LINGO2: variants seen among roughly 807,000 people sequenced by gnomAD.
LINGO2 encodes leucine rich repeat and Ig domain containing 2.
A neutral mutation model predicts 30.6 loss-of-function variants in LINGO2; 14 were observed. The ratio of observed to expected loss-of-function variants is 0.46; its 90% CI spans 0.30 to 0.72. The LOEUF (loss-of-function observed/expected upper bound fraction) is 0.72. Among genes scored for constraint, LINGO2 ranks in the 30% least tolerant of loss-of-function variants. LINGO2 has a pLI of 0.07. For missense variants in LINGO2, 729 were observed against 751.7 expected, an observed-to-expected ratio of 0.97 and a Z score of 0.35; for synonymous variants, 317 against 288.5, an observed-to-expected ratio of 1.10 and a Z score of -1.00.
At chr9:28,990,499 GCAGTGGTTCTCC>G in the LINGO2 span, among the ~76,000 whole-genome samples, 1 of 152,206 alleles carries the variant, frequency 6.6e-6, no homozygotes, top group African/African-American at 2.4e-5. Context: ...TTTGAAGAGA[GCAGTGGTTCTCC>G]CAGCATGCAG....
the LINGO2 span, among the ~76,000 whole-genome samples, chr9:29,128,909 GTTCATGTGAA>G: frequency 7.8e-4 from 119 of 152,198 alleles, 1 homozygote; most frequent in East Asian, 0.021. Flanking sequence ...CAATTTTCAA[GTTCATGTGAA>G]TTAAGTATAA....
chr9:28,418,765 T>C (rs1412238), intron 2 of LINGO2, among the ~76,000 whole-genome samples: 5,597 of 152,146 alleles, frequency 0.037, 348 homozygotes, highest in African/African-American at 0.12. Flanking sequence ...GGGAACTTTC[T>C]TGATTACAAG....
downstream of LINGO2, chr9:27,944,565 A>T (rs1269450628): frequency 3.3e-5 from 5 of 152,186 alleles, no homozygotes; most frequent in African/African-American, 4.8e-5. Context: ...AACTTTCTAT[A>T]CCCAAAGGCA....
intron 4 of LINGO2, among the ~76,000 whole-genome samples, chr9:28,105,714 G>C (rs2133335274): frequency 6.6e-6 from 1 of 151,596 alleles, no homozygotes; most frequent in African/African-American, 2.4e-5. Flanking sequence ...AGAGGAACCT[G>C]TCTCACTCTC....
chr9:28,696,248 T>G, the LINGO2 span, among the ~76,000 whole-genome samples: 1 of 152,000 alleles, frequency 6.6e-6, no homozygotes, highest in African/African-American at 2.4e-5. Flanking sequence ...TGCTGACTAC[T>G]TATTTCCCAT....
chr9:29,205,595 T>C, the LINGO2 span, among the ~76,000 whole-genome samples: 1 of 152,192 alleles, frequency 6.6e-6, no homozygotes, highest in Non-Finnish European at 1.5e-5. Flanking sequence ...CTCTACAGTT[T>C]CCTGAAAGAG....
chr9:28,596,420 T>A (rs564397170), intron 1 of LINGO2, among the ~76,000 whole-genome samples: 61 of 152,304 alleles, frequency 4.0e-4, no homozygotes, highest in Middle Eastern at 3.4e-3. Context: ...CTTAGGCTAG[T>A]GTTTCAGTTG....
At chr9:28,666,806 C>T (rs1036455741) in intron 1 of LINGO2, among the ~76,000 whole-genome samples, 1 of 152,102 alleles carries the variant, frequency 6.6e-6, no homozygotes, top group Non-Finnish European at 1.5e-5. Flanking sequence ...TTTGGCCTTA[C>T]TTTTGTCAGT....
chr9:29,189,497 G>T, the LINGO2 span, among the ~76,000 whole-genome samples: 1 of 151,802 alleles, frequency 6.6e-6, no homozygotes, highest in Non-Finnish European at 1.5e-5. Flanking sequence ...CAGACGGGGC[G>T]GTGGGGCAGA....
the LINGO2 span, among the ~76,000 whole-genome samples, chr9:28,811,286 C>T: frequency 1.3e-5 from 2 of 152,084 alleles, no homozygotes; most frequent in African/African-American, 4.8e-5. Flanking sequence ...TGACCACCAC[C>T]CTAGTCCCAG....
chr9:29,003,277 T>C, the LINGO2 span, among the ~76,000 whole-genome samples: 150 of 152,116 alleles, frequency 9.9e-4, no homozygotes, highest in African/African-American at 3.2e-3. Context: ...AGGAAACAAA[T>C]ACCGGTGTGG....
chr9:28,795,107 T>C, the LINGO2 span, among the ~76,000 whole-genome samples: 1 of 152,118 alleles, frequency 6.6e-6, no homozygotes, highest in Admixed American at 6.5e-5. Flanking sequence ...GTGCTGGGAT[T>C]ACAGGTGTGA....
At chr9:28,773,402 T>C in the LINGO2 span, among the ~76,000 whole-genome samples, 23 of 151,202 alleles carry the variant, frequency 1.5e-4, no homozygotes, top group African/African-American at 5.1e-4. Flanking sequence ...TACAAAGTTG[T>C]AGTGTTTGAA....
intron 4 of LINGO2, among the ~76,000 whole-genome samples, chr9:28,179,683 ATATAC>A (rs1476645082): frequency 7.8e-6 from 1 of 128,836 alleles, no homozygotes; most frequent in African/African-American, 2.8e-5. Context: ...TTTATACTAT[ATATAC>A]TATAGTATAT....
intron 4 of LINGO2, among the ~76,000 whole-genome samples, chr9:28,256,640 G>A (rs1327569648): frequency 6.6e-6 from 1 of 151,912 alleles, no homozygotes; most frequent in African/African-American, 2.4e-5. Context: ...AGCTATGAGA[G>A]TGGGAAAAGA....
At chr9:29,166,830 C>T in the LINGO2 span, among the ~76,000 whole-genome samples, 1 of 152,012 alleles carries the variant, frequency 6.6e-6, no homozygotes, top group African/African-American at 2.4e-5. Context: ...CTTGTCAGCA[C>T]CTCAAAATTC....
intron 4 of LINGO2, among the ~76,000 whole-genome samples, chr9:28,188,594 A>T (rs1333514961): frequency 2.0e-5 from 3 of 152,056 alleles, no homozygotes; most frequent in Admixed American, 1.3e-4. Flanking sequence ...GGACAATCAA[A>T]TTTTTTCTAA....
the LINGO2 span, among the ~76,000 whole-genome samples, chr9:29,156,074 T>C: frequency 6.6e-6 from 1 of 152,126 alleles, no homozygotes; most frequent in Non-Finnish European, 1.5e-5. Context: ...AATTAAAGCT[T>C]TGCTCTTGTT....
chr9:28,517,544 C>A (rs999921191), intron 1 of LINGO2, among the ~76,000 whole-genome samples: 3 of 152,116 alleles, frequency 2.0e-5, no homozygotes, highest in African/African-American at 7.2e-5. Context: ...CATTTATGAG[C>A]GTCTACTGCA....
Sources: gnomAD v4.1 joint callset for allele counts (sites outside exome capture counted in the v4.1 genomes callset) on GRCh38, gnomAD v4.1.1 for gene constraint, MANE v1.5 for transcripts, NCBI Gene and HGNC (gene_info 2026-07-23, HGNC 2026-07-21) for gene names.